RMDN2: variants seen among roughly 807,000 people sequenced by gnomAD.
RMDN2 encodes the protein regulator of microtubule dynamics protein 2.
A neutral mutation model predicts 52.8 loss-of-function variants in RMDN2; 61 were observed. That is an observed-to-expected ratio of 1.16 (90% CI 0.94 to 1.43). The LOEUF (loss-of-function observed/expected upper bound fraction) is 1.43, where lower values mean the gene tolerates loss of function less well. RMDN2 is among the 40% of genes most tolerant of loss of function. The pLI is 0.00. For missense variants in RMDN2, 592 were observed against 475.3 expected (o/e 1.25, Z -2.28); for synonymous variants, 180 against 153.1 (o/e 1.18, Z -1.30).
At chr2:37,998,783 A>G (rs555491235) in intron 8 of RMDN2, among the ~76,000 whole-genome samples, 1 of 152,234 alleles carries the variant, frequency 6.6e-6, no homozygotes, top group Non-Finnish European at 1.5e-5. Flanking sequence ...ATGTAATGTG[A>G]TCCCTTTTTT....
At chr2:38,044,651 TCTTTA>T (rs1681163340) in intron 10 of RMDN2, among the ~76,000 whole-genome samples, 1 of 152,108 alleles carries the variant, frequency 6.6e-6, no homozygotes, top group East Asian at 1.9e-4. Flanking sequence ...GGTCAGTGAT[TCTTTA>T]CTTGGTTGTG....
chr2:37,994,709 G>T (rs1037756568), intron 7 of RMDN2, among the ~76,000 whole-genome samples: 1 of 152,126 alleles, frequency 6.6e-6, no homozygotes, highest in African/African-American at 2.4e-5. Flanking sequence ...AAGTACCAGC[G>T]AGGATATAGA....
At chr2:38,010,721 C>T (rs1677859057) in intron 10 of RMDN2, among the ~76,000 whole-genome samples, 1 of 152,188 alleles carries the variant, frequency 6.6e-6, no homozygotes, top group South Asian at 2.1e-4. Flanking sequence ...CACTGTCCTG[C>T]ACCCGCTTTC....
chr2:38,013,945 GC>G (rs1678365501), intron 10 of RMDN2, among the ~76,000 whole-genome samples: 1 of 152,096 alleles, frequency 6.6e-6, no homozygotes. Flanking sequence ...CGTGGCTCAC[GC>G]CTGTAATCCC....
Position 37,997,695 on chromosome 2 carries a change from T to C in RMDN2, c.1044+181T>C, listed in dbSNP as rs567598107. On this transcript the variant is annotated intron_variant, in intron 8 of 10. Transcript: ENST00000354545. Reference sequence around the variant, plus strand: ...TTAATATGTTTTAAGTCTAAACTCCTTAGAACAACTAGTTATGCCCTAGGT... The same window carrying C: ...TTAATATGTTTTAAGTCTAAACTCCCTAGAACAACTAGTTATGCCCTAGGT... The C allele has an allele frequency of 2.0e-5, 11 of 563,082 alleles. No homozygotes were observed. In the African/African-American group the frequency reaches 2.1e-4, roughly 11 times the overall value. 34.9% of individuals were successfully genotyped at this position (563,082 alleles called of 1,614,324 possible).
chr2:38,032,587 C>A (rs919847872), intron 10 of RMDN2, among the ~76,000 whole-genome samples: 1 of 152,190 alleles, frequency 6.6e-6, no homozygotes, highest in African/African-American at 2.4e-5. Context: ...TGCCTGTAAT[C>A]CCAGCAGTTT....
chr2:37,979,390 G>T (rs1241612171), intron 4 of RMDN2, among the ~76,000 whole-genome samples: 1 of 152,218 alleles, frequency 6.6e-6, no homozygotes, highest in Non-Finnish European at 1.5e-5. Flanking sequence ...TACTGGAACT[G>T]AGAGCAAGGC....
intron 5 of RMDN2, among the ~76,000 whole-genome samples, chr2:37,983,853 A>G (rs548979322): frequency 6.6e-6 from 1 of 152,350 alleles, no homozygotes; most frequent in South Asian, 2.1e-4. Context: ...CATGAATGAC[A>G]AACTATAGCC....
chr2:37,967,343 TAAC>T (rs1306220173), intron 2 of RMDN2, among the ~76,000 whole-genome samples: 1 of 152,182 alleles, frequency 6.6e-6, no homozygotes, highest in Non-Finnish European at 1.5e-5. Context: ...GAGAAATTAT[TAAC>T]AAGTGGGATG....
At chr2:38,003,588 A>C (rs1325801661) in intron 8 of RMDN2, among the ~76,000 whole-genome samples, 1 of 151,806 alleles carries the variant, frequency 6.6e-6, no homozygotes, top group African/African-American at 2.4e-5. Context: ...AGATAGATAG[A>C]TAGATAGATA....
At chr2:38,023,661 C>T (rs1679556440) in intron 10 of RMDN2, among the ~76,000 whole-genome samples, 1 of 152,014 alleles carries the variant, frequency 6.6e-6, no homozygotes, top group Non-Finnish European at 1.5e-5. Flanking sequence ...TTCACAAAGA[C>T]AAGATACATT....
intron 2 of RMDN2, among the ~76,000 whole-genome samples, chr2:37,965,141 G>C (rs1319107927): frequency 6.6e-6 from 1 of 151,910 alleles, no homozygotes; most frequent in Non-Finnish European, 1.5e-5. Flanking sequence ...AGTCTCTTTT[G>C]GACAGCATAT....
At chr2:38,056,429 A>G (rs1681858245) in intron 10 of RMDN2, among the ~76,000 whole-genome samples, 1 of 152,228 alleles carries the variant, frequency 6.6e-6, no homozygotes, top group South Asian at 2.1e-4. Context: ...CTCCTCAAAC[A>G]GGAAATGAAC....
At chr2:38,003,601 T>TTGGCAGAC (rs1676647839) in intron 8 of RMDN2, among the ~76,000 whole-genome samples, 2 of 124,070 alleles carry the variant, frequency 1.6e-5, no homozygotes, top group East Asian at 4.4e-4. Context: ...GATAGATAGA[T>TTGGCAGAC]AGGCAGACAG....
chr2:37,972,582 A>T (rs976212286), intron 2 of RMDN2, among the ~76,000 whole-genome samples: 4 of 152,130 alleles, frequency 2.6e-5, no homozygotes, highest in Non-Finnish European at 5.9e-5. Context: ...TTTTGAGCAA[A>T]GGAGTGACGT....
chr2:38,061,831 A>T (rs1047562137), intron 10 of RMDN2, among the ~76,000 whole-genome samples: 5 of 152,308 alleles, frequency 3.3e-5, no homozygotes, highest in African/African-American at 1.2e-4. Context: ...ATGACATTGA[A>T]TTAAAATTGC....
chr2:37,978,701 C>A (rs1288817386), intron 4 of RMDN2, among the ~76,000 whole-genome samples: 1 of 151,964 alleles, frequency 6.6e-6, no homozygotes, highest in Non-Finnish European at 1.5e-5. Flanking sequence ...TCGTTTGAGT[C>A]CAAGAGATCA....
chr2:38,027,638 C>T (rs780625968), intron 10 of RMDN2, among the ~76,000 whole-genome samples: 4 of 152,182 alleles, frequency 2.6e-5, no homozygotes, highest in Non-Finnish European at 5.9e-5. Flanking sequence ...AGCTCTGAGA[C>T]AATTTTTTAT....
chr2:38,009,672 G>A (rs373435789), intron 10 of RMDN2, among the ~76,000 whole-genome samples: 28 of 152,148 alleles, frequency 1.8e-4, no homozygotes, highest in East Asian at 1.7e-3. Flanking sequence ...CCTTTAGCTC[G>A]GAGTAGTTTG....
Sources: gnomAD v4.1 joint callset for allele counts (sites outside exome capture counted in the v4.1 genomes callset) on GRCh38, gnomAD v4.1.1 for gene constraint, MANE v1.5 for transcripts, NCBI Gene and HGNC (gene_info 2026-07-23, HGNC 2026-07-21) for gene names.